PAK3: variants seen among roughly 807,000 people sequenced by gnomAD.
PAK3 encodes p21 (RAC1) activated kinase 3, also known as serine/threonine-protein kinase PAK 3.
A neutral mutation model predicts 41.0 loss-of-function variants in PAK3; 4 were observed. That is an observed-to-expected ratio of 0.10 (90% CI 0.05 to 0.22). The LOEUF (loss-of-function observed/expected upper bound fraction) is 0.22. Among genes scored for constraint, PAK3 ranks in the 10% least tolerant of loss-of-function variants. PAK3 has a pLI of 1.00. For missense variants in PAK3, 205 were observed against 409.9 expected, an observed-to-expected ratio of 0.50 and a Z score of 4.32; for synonymous variants, 146 against 139.6, an observed-to-expected ratio of 1.05 and a Z score of -0.32.
At chrX:111,055,028 A>T (rs1200764069) in intron 1 of PAK3, among the ~76,000 whole-genome samples, 1 of 112,155 alleles carries the variant, frequency 8.9e-6, no homozygotes, top group Non-Finnish European at 1.9e-5. Flanking sequence ...ACTTACATGC[A>T]TATGTCACTT....
intron 16 of PAK3, among the ~76,000 whole-genome samples, chrX:111,202,160 C>T (rs2094691117): frequency 9.0e-6 from 1 of 111,648 alleles, no homozygotes; most frequent in Non-Finnish European, 1.9e-5. Flanking sequence ...TCCAGCTGAG[C>T]AGACCCTTTA....
At chrX:111,005,977 G>C (rs1383764417) in intron 1 of PAK3, among the ~76,000 whole-genome samples, 2 of 111,431 alleles carry the variant, frequency 1.8e-5, no homozygotes, top group Non-Finnish European at 3.8e-5. Context: ...ATTATACCCA[G>C]GGTTTACCCT....
At chrX:111,202,948 A>T (rs1296509219) in intron 16 of PAK3, among the ~76,000 whole-genome samples, 2 of 112,014 alleles carry the variant, frequency 1.8e-5, no homozygotes, top group African/African-American at 6.5e-5. Flanking sequence ...GAAGACAGTT[A>T]TTGGTATCAC....
At chrX:111,183,819 C>T (rs1301281347) in intron 11 of PAK3, among the ~76,000 whole-genome samples, 4 of 111,597 alleles carry the variant, frequency 3.6e-5, no homozygotes, top group Non-Finnish European at 7.5e-5. Flanking sequence ...GAGTAGTAAG[C>T]GCTTGGCCAT....
At position 111,220,420 on chromosome X, in the gene PAK3, G is replaced by A. The variant is rs1482272259; in HGVS notation, c.1608G>A (p.Lys536=). The A allele has an allele frequency of 8.3e-7, 1 of 1,200,341 alleles. No homozygotes were observed. The highest frequency in any genetic ancestry group is 1.1e-6 in the Non-Finnish European group (1 of 885,760). ...SSLTPLIIAA[K]EAIKNSSR is the part of the protein sequence containing the mutation. ...TGACTCCTCTGATTATCGCTGCAAA[G>A]GAAGCAATTAAGAACAGCAGCCGCT... The change falls in exon 18 of 18, where the codon AAG becomes AAA. Residue 536 remains lysine, a synonymous_variant. Transcript: ENST00000372007.
chrX:111,029,174 G>C (rs2092311042), intron 1 of PAK3, among the ~76,000 whole-genome samples: 1 of 111,339 alleles, frequency 9.0e-6, no homozygotes, highest in East Asian at 2.8e-4. Flanking sequence ...AGAAATAACG[G>C]CCTCTACCTT....
rs139333593 is a variant in PAK3, at chrX:110,996,061, A to G, written c.-28+51433A>G. Among the ~76,000 whole-genome samples, 145 of 112,050 alleles carry G rather than the reference A, an allele frequency of 1.3e-3. 2 individuals carry two copies. The East Asian group carries it at 0.029, about 22-fold the overall frequency. ...GCTTGCTTCAAATTGAGAATCACTC[A>G]GAGAGCATTAAAAAACAAAACAATG... On this transcript the variant is annotated intron_variant, in intron 1 of 14. Coordinates refer to the PAK3 transcript ENST00000425146.
intron 1 of PAK3, among the ~76,000 whole-genome samples, chrX:111,070,925 A>G (rs980920866): frequency 8.0e-5 from 9 of 111,984 alleles, no homozygotes; most frequent in Non-Finnish European, 1.5e-4. Flanking sequence ...GAGAATTTTC[A>G]TACCTGACTC....
intron 8 of PAK3, among the ~76,000 whole-genome samples, chrX:111,155,500 CAAA>C (rs369169590): frequency 9.2e-5 from 5 of 54,190 alleles, no homozygotes; most frequent in Admixed American, 2.2e-4. Context: ...AACCCTGTCT[CAAA>C]AAAAAAAAAA....
chrX:110,970,345 A>T (rs770086235), intron 1 of PAK3, among the ~76,000 whole-genome samples: 14 of 111,827 alleles, frequency 1.3e-4, no homozygotes, highest in Non-Finnish European at 1.9e-4. Flanking sequence ...ATTTTCTCCC[A>T]TTCTGTAGGT....
intron 1 of PAK3, among the ~76,000 whole-genome samples, chrX:110,965,488 GAC>G (rs1223656380): frequency 3.6e-5 from 4 of 112,051 alleles, no homozygotes; most frequent in Admixed American, 9.4e-5. Flanking sequence ...TCAGCCTCAG[GAC>G]CAGGCTTTGG....
intron 4 of PAK3, among the ~76,000 whole-genome samples, chrX:111,119,195 G>C (rs1304941711): frequency 1.8e-5 from 2 of 111,858 alleles, no homozygotes; most frequent in Admixed American, 1.9e-4. Flanking sequence ...TCTTATTGCT[G>C]ATGAATTGCA....
intron 1 of PAK3, among the ~76,000 whole-genome samples, chrX:110,987,733 C>T (rs1413249900): frequency 9.0e-6 from 1 of 111,072 alleles, no homozygotes; most frequent in Non-Finnish European, 1.9e-5. Context: ...TGGTGGTTGA[C>T]CTGGAATTTG....
chrX:111,175,585 G>A (rs2094396431), intron 11 of PAK3, among the ~76,000 whole-genome samples: 1 of 111,098 alleles, frequency 9.0e-6, no homozygotes, highest in Admixed American at 9.6e-5. Context: ...TTCCATGGTT[G>A]TTTTTTGGAG....
At chrX:111,078,687 C>G (rs1408288166) in intron 1 of PAK3, among the ~76,000 whole-genome samples, 3 of 111,124 alleles carry the variant, frequency 2.7e-5, no homozygotes, top group Non-Finnish European at 5.7e-5. Context: ...AGCCGCATGT[C>G]TCTCCCTTTA....
chrX:110,968,839 G>A (rs922035963), intron 1 of PAK3, among the ~76,000 whole-genome samples: 37 of 110,762 alleles, frequency 3.3e-4, no homozygotes, highest in African/African-American at 1.2e-3. Flanking sequence ...TTTTTATGAT[G>A]TCTGATTTAT....
intron 5 of PAK3, among the ~76,000 whole-genome samples, chrX:111,124,461 T>A (rs1038328259): frequency 3.6e-5 from 4 of 111,867 alleles, no homozygotes; most frequent in Non-Finnish European, 5.6e-5. Context: ...GACCAGGTCT[T>A]ATTTGACAGT....
At chrX:111,164,218 AGTGTGTACATGCTC>A (rs1365227953) in intron 10 of PAK3, among the ~76,000 whole-genome samples, 2 of 111,185 alleles carry the variant, frequency 1.8e-5, no homozygotes, top group African/African-American at 6.5e-5. Flanking sequence ...CAATGTCATT[AGTGTGTACATGCTC>A]GTGTGTACAC....
At chrX:110,978,984 A>G (rs1390515088) in intron 1 of PAK3, among the ~76,000 whole-genome samples, 3 of 111,673 alleles carry the variant, frequency 2.7e-5, no homozygotes, top group Non-Finnish European at 3.8e-5. Context: ...TTGAAATTAC[A>G]AATTCAGTTT....
Sources: gnomAD v4.1 joint callset for allele counts (sites outside exome capture counted in the v4.1 genomes callset) on GRCh38, gnomAD v4.1.1 for gene constraint, MANE v1.5 for transcripts, NCBI Gene and HGNC (gene_info 2026-07-23, HGNC 2026-07-21) for gene names.